Variants in CDCA2 observed in about 807,000 individuals in gnomAD.
CDCA2 encodes cell division cycle associated 2.
A neutral mutation model predicts 67.0 loss-of-function variants in CDCA2; 44 were observed. That is an observed-to-expected ratio of 0.66 (90% CI 0.52 to 0.84). The LOEUF is 0.84. Among genes scored for constraint, CDCA2 ranks in the 40% least tolerant of loss-of-function variants. The pLI, the probability that CDCA2 is intolerant of heterozygous loss-of-function variation, is 0.00. For missense variants in CDCA2, 1,253 were observed against 1,203.2 expected (o/e 1.04, Z -0.61); for synonymous variants, 447 against 418.7 (o/e 1.07, Z -0.82).
chr8:25,488,867 A>G (rs1803890097), intron 13 of CDCA2, among the ~76,000 whole-genome samples, 178 bp downstream of exon 13: 1 of 152,132 alleles, frequency 6.6e-6, no homozygotes, highest in South Asian at 2.1e-4. Flanking sequence ...TGAATTGCCT[A>G]AGGAACACTT....
chr8:25,460,298 C>T lies in CDCA2; in HGVS notation c.59C>T (p.Ala20Val). 6.2e-7 allele frequency: 1 copy of T among 1,614,106 alleles called. No homozygotes were observed. Among genetic ancestry groups the T allele is most frequent in the Non-Finnish European group, 8.5e-7 (1 of 1,179,990 alleles). The change falls in exon 2 of 15, where the codon GCT (alanine) becomes GTT (valine). Residue 20 changes from alanine to valine, a missense_variant and splice_region_variant. Transcript: ENST00000330560. ...PETKESAMNN[A>V]GNASFILGTG... ...ACCAAGGAGTCTGCAATGAATAATG[C>T]TGGTATGTGATGATCTGCCTCCTTG...
chr8:25,462,278 A>G, intron 4 of CDCA2, 70 bp downstream of exon 4: 2 of 1,470,010 alleles, frequency 1.4e-6, no homozygotes, highest in East Asian at 2.3e-5. Flanking sequence ...TACACCTTCT[A>G]GTGCATCTGC....
intron 14 of CDCA2, among the ~76,000 whole-genome samples, chr8:25,504,852 A>G (rs116485060): frequency 2.8e-3 from 423 of 152,194 alleles, no homozygotes; most frequent in African/African-American, 9.9e-3. Flanking sequence ...ATGATGATCT[A>G]TTTTCTATGT....
In CDCA2 at chr8:25,484,047, C is replaced by T. The variant is rs376268098; in HGVS notation, c.1202C>T (p.Pro401Leu). Residue 401 changes from proline to leucine, a missense_variant, in exon 10 of 15, where the codon CCG becomes CTG. By Grantham distance (98) the Pro-to-Leu change is moderately conservative (BLOSUM62 -3). Transcript: ENST00000330560. The part of the protein sequence containing the change: ...KRVTFGEDLS[P>L]EVFDESLPAN... Reference sequence around the variant, plus strand: ...GTTACTTTTGGAGAGGACTTAAGCCCGGAAGTGTTTGATGAATCTTTGCCA... The same window carrying T: ...GTTACTTTTGGAGAGGACTTAAGCCTGGAAGTGTTTGATGAATCTTTGCCA... The T allele has an allele frequency of 2.0e-5, 32 of 1,613,954 alleles. No homozygotes were observed. The highest frequency in any genetic ancestry group is 8.9e-5 in the East Asian group (4 of 44,880).
intron 3 of CDCA2, among the ~76,000 whole-genome samples, chr8:25,461,834 G>A (rs1802701215): frequency 6.6e-6 from 1 of 152,178 alleles, no homozygotes; most frequent in African/African-American, 2.4e-5. Flanking sequence ...ACTGTTCTAT[G>A]TACCAGGCAC....
At chr8:25,498,322 C>T (rs1178577400) in intron 13 of CDCA2, among the ~76,000 whole-genome samples, 1 of 152,098 alleles carries the variant, frequency 6.6e-6, no homozygotes, top group Non-Finnish European at 1.5e-5. Flanking sequence ...ATTCTCCTGC[C>T]TCAGCCTCCC....
intron 7 of CDCA2, among the ~76,000 whole-genome samples, chr8:25,478,884 G>GTACATATA (rs1395153332): frequency 1.7e-5 from 2 of 117,570 alleles, no homozygotes; most frequent in African/African-American, 7.6e-5. Context: ...CTTGTTGTGT[G>GTACATATA]TGTGTATATA....
intron 8 of CDCA2, among the ~76,000 whole-genome samples, chr8:25,482,464 C>A (rs1453329304): frequency 6.6e-6 from 1 of 152,030 alleles, no homozygotes; most frequent in Admixed American, 6.6e-5. Context: ...ATTGAACCAA[C>A]CACAGATCAA....
Position 25,468,432 on chromosome 8 carries a change from G to A in CDCA2, c.735+19G>A, listed in dbSNP as rs370502825. ...TTCTGAGGTAATTCACTTACTTTAC[G>A]CATAGGAAAATGAAGTTGTTGGTTT... On this transcript the variant is annotated intron_variant, in intron 6 of 14. Coordinates refer to ENST00000330560, the MANE Select transcript of CDCA2 (RefSeq NM_152562.4). 45 of 1,595,456 alleles carry A rather than the reference G, an allele frequency of 2.8e-5. No homozygotes were observed. In the African/African-American group the frequency reaches 5.1e-4, roughly 18 times the overall value.
Position 25,459,811 on chromosome 8 carries a change from G to A in CDCA2, c.-1+338G>A, listed in dbSNP as rs1802603550. 2.0e-5 allele frequency among the ~76,000 whole-genome samples: 3 copies of A among 152,222 alleles called. No individual in the cohort carries two copies. In the South Asian group the frequency reaches 6.2e-4, roughly 32 times the overall value. On this transcript the variant is annotated intron_variant, in intron 1 of 14. Coordinates refer to ENST00000330560, the MANE Select transcript of CDCA2 (RefSeq NM_152562.4). ...GTAAAAGAATGGTTAGCACAGGGTG[G>A]GAAGTGTATTGGGGATGGATGGGAA...
rs1563288260 is a variant in CDCA2 at position 25,506,661 on chromosome 8, T to G, written c.1995T>G (p.Ser665Arg). 6.2e-7 allele frequency: 1 copy of G among 1,613,368 alleles called. No individual in the cohort carries two copies. Among genetic ancestry groups the G allele is most frequent in the Non-Finnish European group, 8.5e-7 (1 of 1,179,882 alleles). Residue 665 changes from serine (S) to arginine (R), a missense_variant, in exon 15 of 15, where the codon AGT becomes AGG. Ser to Arg is a moderately radical substitution (Grantham distance 110). Transcript: ENST00000330560. The part of the protein sequence containing the change: ...DVSEFCSYIK[S>R]SSSLGNATSD... ...CTGAATTCTGCTCTTATATAAAAAG[T>G]TCCTCATCGCTTGGCAATGCTACTT...
At position 25,506,678 on chromosome 8, in the gene CDCA2, A is replaced by G. The variant is rs573660944; in HGVS notation, c.2012A>G (p.Asn671Ser). Residue 671 changes from asparagine to serine, a missense_variant, in exon 15 of 15, where the codon AAT (asparagine) becomes AGT (serine). Coordinates refer to ENST00000330560, the MANE Select transcript of CDCA2 (RefSeq NM_152562.4). ...ATAAAAAGTTCCTCATCGCTTGGCAATGCTACTTCTGATGAAGATCCAAAT... is the reference window on the plus strand; with the variant it reads ...ATAAAAAGTTCCTCATCGCTTGGCAGTGCTACTTCTGATGAAGATCCAAAT... The part of the protein sequence containing the change: ...SYIKSSSSLG[N>S]ATSDEDPNTN... 1,752 of 1,612,546 alleles carry G rather than the reference A, an allele frequency of 1.1e-3. 26 individuals carry two copies. The South Asian group carries it at 0.017, about 16-fold the overall frequency.
intron 1 of CDCA2, 84 bp from the exon 2 acceptor site, chr8:25,460,156 A>G (rs1802620255): frequency 2.4e-5 from 32 of 1,333,474 alleles, no homozygotes; most frequent in South Asian, 9.4e-5. Flanking sequence ...CTGTATTACA[A>G]TTCAGTCCTG....
At chr8:25,506,248 A>C (rs901091310) in intron 14 of CDCA2, among the ~76,000 whole-genome samples, 2 of 152,234 alleles carry the variant, frequency 1.3e-5, no homozygotes, top group African/African-American at 4.8e-5. Context: ...GCTGTTTCAG[A>C]TGCTGTTCTC....
At chr8:25,488,722 A>C in intron 13 of CDCA2, 33 bp downstream of exon 13, 1 of 1,521,998 alleles carries the variant, frequency 6.6e-7, no homozygotes, top group Admixed American at 2.3e-5. Flanking sequence ...AATAAAGAGT[A>C]GAAGTGGTGT....
chr8:25,464,563 T>C (rs1802824339), intron 4 of CDCA2, among the ~76,000 whole-genome samples: 1 of 152,250 alleles, frequency 6.6e-6, no homozygotes, highest in South Asian at 2.1e-4. Context: ...TTGCTTTGTA[T>C]GTAAACATTG....
chr8:25,499,501 G>A (rs1032965610), intron 13 of CDCA2, among the ~76,000 whole-genome samples: 3 of 151,560 alleles, frequency 2.0e-5, no homozygotes, highest in Non-Finnish European at 4.4e-5. Flanking sequence ...ACGGGGTTTC[G>A]TCATGTTGCC....
chr8:25,476,558 C>CT (rs555991670), intron 7 of CDCA2, among the ~76,000 whole-genome samples: 1,540 of 145,088 alleles, frequency 0.011, 23 homozygotes, highest in African/African-American at 0.032. Flanking sequence ...TCTTTTTTTT[C>CT]TTTTTTTTTT....
intron 12 of CDCA2, 98 bp from the exon 13 acceptor site, chr8:25,488,454 G>T: frequency 8.9e-7 from 1 of 1,122,328 alleles, no homozygotes; most frequent in Non-Finnish European, 1.2e-6. Context: ...GATCTAAAGT[G>T]GTAGAAGCAT....
Sources: allele counts gnomAD v4.1 joint callset (sites outside exome capture counted in the v4.1 genomes callset), GRCh38; gene constraint gnomAD v4.1.1; transcripts MANE v1.5; gene names NCBI Gene and HGNC (gene_info 2026-07-23, HGNC 2026-07-21).